NCOA7: variants seen among roughly 807,000 people sequenced by gnomAD.
NCOA7 encodes nuclear receptor coactivator 7.
Under a neutral mutation model 104.3 loss-of-function variants are expected in NCOA7, and 45 were observed. That is an observed-to-expected ratio of 0.43 (90% CI 0.34 to 0.55). NCOA7 has a LOEUF of 0.55. Ranked by LOEUF, NCOA7 falls within the 20% of genes least tolerant of loss-of-function variation. The pLI is 0.02. For synonymous variants in NCOA7, 398 were observed against 402.3 expected (o/e 0.99, Z 0.13); for missense variants, 1,041 against 1,119.7 (o/e 0.93, Z 1.00).
At chr6:125,794,937 G>T (rs965079512) in intron 1 of NCOA7, among the ~76,000 whole-genome samples, 4 of 152,068 alleles carry the variant, frequency 2.6e-5, no homozygotes, top group African/African-American at 4.8e-5. Context: ...TCGACAATCT[G>T]ACCTTCGCGT....
rs558720851 is a variant in NCOA7 at position 125,845,153 on chromosome 6, G to A, written c.51-9867G>A. Reference sequence around the variant, plus strand: ...GCAGAAGTCAGAATTAGACGACCAGGAAAAAACAGCCTAGGCCCTGAAGGT... The same window carrying A: ...GCAGAAGTCAGAATTAGACGACCAGAAAAAAACAGCCTAGGCCCTGAAGGT... On this transcript the variant is annotated intron_variant, in intron 2 of 15. Coordinates refer to ENST00000392477, the MANE Select transcript of NCOA7 (RefSeq NM_181782.5). Among the ~76,000 whole-genome samples, 4 of 152,150 alleles carry A rather than the reference G, an allele frequency of 2.6e-5. No individual in the cohort carries two copies. In the East Asian group the frequency reaches 7.7e-4, roughly 29 times the overall value.
intron 10 of NCOA7, among the ~76,000 whole-genome samples, chr6:125,894,768 CTT>C (rs78480319): frequency 2.9e-5 from 4 of 136,424 alleles, no homozygotes; most frequent in Admixed American, 7.3e-5. Context: ...GCAAGCTGTA[CTT>C]TTTTTTTTTT....
intron 2 of NCOA7, among the ~76,000 whole-genome samples, chr6:125,845,091 C>A (rs1780485162): frequency 6.6e-6 from 1 of 152,170 alleles, no homozygotes; most frequent in Non-Finnish European, 1.5e-5. Flanking sequence ...ACAAACGTTT[C>A]TGCCCAAAGA....
chr6:125,922,714 G>A lies in NCOA7; in HGVS notation c.2403G>A (p.Gly801=), dbSNP rs770320776. ...LARRLPARVQ[G]YPWRLAYSTL... Reference sequence around the variant, plus strand: ...GACGCCTTCCTGCAAGGGTGCAAGGGTATCCATGGAGACTGGCCTATAGCA... The same window carrying A: ...GACGCCTTCCTGCAAGGGTGCAAGGATATCCATGGAGACTGGCCTATAGCA... The change falls in exon 13 of 16, where the codon GGG becomes GGA. Residue 801 remains glycine (G), a synonymous_variant. Coordinates refer to ENST00000392477, the MANE Select transcript of NCOA7 (RefSeq NM_181782.5). 6.2e-7 allele frequency: 1 copy of A among 1,613,844 alleles called. No homozygotes were observed.
chr6:125,798,338 A>G (rs1775537712), intron 1 of NCOA7, among the ~76,000 whole-genome samples: 1 of 152,190 alleles, frequency 6.6e-6, no homozygotes, highest in African/African-American at 2.4e-5. Flanking sequence ...TTTTCTCCAC[A>G]CTTTGAGTTT....
intron 2 of NCOA7, among the ~76,000 whole-genome samples, chr6:125,822,952 A>G (rs1460439670): frequency 6.7e-6 from 1 of 148,496 alleles, no homozygotes; most frequent in Non-Finnish European, 1.5e-5. Context: ...AAAAAAAAAC[A>G]ACAAAAAAAA....
rs114287634 is a variant in NCOA7 at position 125,821,507 on chromosome 6, C to A, written c.50+6103C>A. On this transcript the variant is annotated intron_variant, in intron 2 of 15. Transcript: ENST00000392477. Reference sequence around the variant, plus strand: ...TGTGGGTTGCATAGATTTCTGTGGGCAGTCTTGACAGCTGAACATTAATTT... The same window carrying A: ...TGTGGGTTGCATAGATTTCTGTGGGAAGTCTTGACAGCTGAACATTAATTT... 8.9e-3 allele frequency among the ~76,000 whole-genome samples: 1,350 copies of A among 152,228 alleles called. 18 individuals carry two copies. Among genetic ancestry groups the A allele is most frequent in the African/African-American group, 0.031 (1,283 of 41,508 alleles).
chr6:125,795,789 G>A (rs1775263594), intron 1 of NCOA7, among the ~76,000 whole-genome samples: 2 of 152,056 alleles, frequency 1.3e-5, no homozygotes, highest in South Asian at 4.2e-4. Context: ...ATCCCTCCTT[G>A]TCATGCATTT....
intron 3 of NCOA7, among the ~76,000 whole-genome samples, chr6:125,871,445 C>T (rs1317711301): frequency 6.6e-6 from 1 of 152,236 alleles, no homozygotes; most frequent in African/African-American, 2.4e-5. Context: ...CATAGTTAAC[C>T]ATCTTTTCAA....
chr6:125,885,228 C>A lies in NCOA7; in HGVS notation c.769C>A (p.Leu257Met). The A allele has an allele frequency of 6.2e-7, 1 of 1,614,046 alleles. No homozygotes were observed. The highest frequency in any genetic ancestry group is 8.5e-7 in the Non-Finnish European group (1 of 1,179,942). Residue 257 changes from leucine to methionine, a missense_variant, in exon 8 of 16, where the codon CTG becomes ATG. Physicochemically the swap from Leu to Met is conservative, Grantham distance 15 (BLOSUM62 2). This residue lies in a region of NCOA7 where 914 missense variants were observed against 942.7 expected (regional missense o/e 0.97). Transcript: ENST00000392477. ...IMFDPHKSDP[L>M]VIENGCEEYG... is the part of the protein sequence containing the mutation. ...GTTTGACCCTCATAAATCTGATCCTCTGGTTATTGAAAATGGGTGTGAGGA... is the reference window on the plus strand; with the variant it reads ...GTTTGACCCTCATAAATCTGATCCTATGGTTATTGAAAATGGGTGTGAGGA...
At chr6:125,851,593 T>C (rs1781133111) in intron 2 of NCOA7, among the ~76,000 whole-genome samples, 2 of 152,182 alleles carry the variant, frequency 1.3e-5, no homozygotes, top group Admixed American at 6.5e-5. Flanking sequence ...ATAATGACTG[T>C]TTTTCCTTTG....
chr6:125,827,896 C>T (rs763061026), intron 2 of NCOA7, among the ~76,000 whole-genome samples: 3 of 152,214 alleles, frequency 2.0e-5, no homozygotes, highest in Non-Finnish European at 4.4e-5. Context: ...TTGGATTGAA[C>T]AGCTAGATGG....
At chr6:125,833,819 T>C (rs1052123086) in intron 2 of NCOA7, among the ~76,000 whole-genome samples, 5 of 152,112 alleles carry the variant, frequency 3.3e-5, no homozygotes, top group African/African-American at 1.2e-4. Flanking sequence ...TGACCTCCTC[T>C]CACTCCCCCA....
chr6:125,839,421 G>GACA (rs1779919101), intron 2 of NCOA7, among the ~76,000 whole-genome samples: 8 of 151,176 alleles, frequency 5.3e-5, no homozygotes, highest in African/African-American at 2.0e-4. Flanking sequence ...CGAGGCCTAG[G>GACA]CCTTAGTGAT....
chr6:125,903,052 T>G (rs1197694183), intron 10 of NCOA7, among the ~76,000 whole-genome samples: 1 of 152,242 alleles, frequency 6.6e-6, no homozygotes, highest in Non-Finnish European at 1.5e-5. Flanking sequence ...TTACCTTCTT[T>G]GAATTTCTTC....
In NCOA7 at chr6:125,904,388, C is replaced by T. The variant is rs536940073; in HGVS notation, c.2097-10945C>T. ...GGCCTGGGTATCCTGCATCTCTGTC[C>T]TTTTTACAGAATTCTTTGTCAGAAA... On this transcript the variant is annotated intron_variant, in intron 10 of 15. Transcript: ENST00000392477. Among the ~76,000 whole-genome samples the T allele has an allele frequency of 2.0e-5, 3 of 152,252 alleles. No individual in the cohort carries two copies. In the East Asian group the frequency reaches 5.8e-4, roughly 29 times the overall value.
intron 7 of NCOA7, among the ~76,000 whole-genome samples, chr6:125,883,864 T>C (rs1020088853): frequency 6.6e-6 from 1 of 151,944 alleles, no homozygotes; most frequent in African/African-American, 2.4e-5. Flanking sequence ...GGACTACAGG[T>C]GTGTACCACC....
At position 125,928,732 on chromosome 6, in the gene NCOA7, C is replaced by T. The variant is rs1433111554; in HGVS notation, c.2790C>T (p.Asp930=). Reference sequence around the variant, plus strand: ...ATGATATTCTTTCCAAAAAGGAAGACTTCATAGTTCAGGATCTGGAGGTGT... The same window carrying T: ...ATGATATTCTTTCCAAAAAGGAAGATTTCATAGTTCAGGATCTGGAGGTGT... ...FNNDILSKKE[D]FIVQDLEVWA... The change falls in exon 16 of 16, where the codon GAC becomes GAT. Residue 930 remains aspartate, a synonymous_variant. Transcript: ENST00000392477. 6.2e-7 allele frequency: 1 copy of T among 1,613,256 alleles called. No individual in the cohort carries two copies. Among genetic ancestry groups the T allele is most frequent in the Non-Finnish European group, 8.5e-7 (1 of 1,179,820 alleles).
intron 11 of NCOA7, chr6:125,919,397 A>T (rs768543804): frequency 1.7e-5 from 27 of 1,612,652 alleles, no homozygotes; most frequent in African/African-American, 2.7e-5. Flanking sequence ...CAGATTTTCT[A>T]TTGTGCCAGA....
Sources: gnomAD v4.1 joint callset for allele counts (sites outside exome capture counted in the v4.1 genomes callset) on GRCh38, gnomAD v4.1.1 for gene constraint, gnomAD v4.1.1 regional missense constraint, MANE v1.5 for transcripts, NCBI Gene and HGNC (gene_info 2026-07-23, HGNC 2026-07-21) for gene names.